Variants in TMCO1 observed in about 807,000 individuals in gnomAD.
TMCO1 encodes the protein calcium load-activated calcium channel.
Under a neutral mutation model 29.3 loss-of-function variants are expected in TMCO1, and 29 were observed. That is an observed-to-expected ratio of 0.99 (90% confidence interval 0.74 to 1.35). The LOEUF (loss-of-function observed/expected upper bound fraction) is 1.35, where lower values mean the gene tolerates loss of function less well. Ranked by LOEUF, TMCO1 falls within the 40% of genes most tolerant of loss-of-function variation. The pLI is 0.00. For synonymous variants in TMCO1, 80 were observed against 77.1 expected (o/e 1.04, Z -0.20); for missense variants, 173 against 225.5 (o/e 0.77, Z 1.49).
intron 2 of TMCO1, among the ~76,000 whole-genome samples, chr1:165,761,215 A>G (rs1023982254): frequency 1.3e-5 from 2 of 152,028 alleles, no homozygotes; most frequent in African/African-American, 2.4e-5. Flanking sequence ...AGACTAAGTA[A>G]CAGATACTGT....
chr1:165,727,980 T>C lies in TMCO1; in HGVS notation c.*43A>G. ...ACAAAACAGTTGCCAGTCTGATGTG[T>C]GTGTGTCTAGAAAGAATGATAGAAA... On this transcript the variant is annotated 3_prime_UTR_variant, in exon 7 of 7. Transcript: ENST00000367881. 6.9e-7 allele frequency: 1 copy of C among 1,446,152 alleles called. No individual in the cohort carries two copies. Among genetic ancestry groups the C allele is most frequent in the Non-Finnish European group, 9.6e-7 (1 of 1,038,414 alleles). The allele number at this position is 1,446,152 out of a possible 1,614,324, so 89.6% of individuals were successfully genotyped here. A position where few individuals can be genotyped will look rare whatever the true frequency, so the allele number is the denominator to read the frequency against.
chr1:165,758,736 C>T (rs760570720), intron 3 of TMCO1, among the ~76,000 whole-genome samples: 2 of 90,036 alleles, frequency 2.2e-5, no homozygotes, highest in Non-Finnish European at 2.9e-5. Context: ...ACACATACAG[C>T]GTAAATGTTC....
chr1:165,749,253 T>G (rs1430844397), intron 5 of TMCO1, among the ~76,000 whole-genome samples: 2 of 151,030 alleles, frequency 1.3e-5, no homozygotes, highest in Non-Finnish European at 1.5e-5. Flanking sequence ...GTTTTATATA[T>G]TACTCATATA....
chr1:165,758,902 GAC>G (rs1390490652), intron 3 of TMCO1, among the ~76,000 whole-genome samples: 1 of 152,144 alleles, frequency 6.6e-6, no homozygotes, highest in Non-Finnish European at 1.5e-5. Context: ...TAGGGATACA[GAC>G]ACAGTTTCTA....
chr1:165,725,147 A>G (rs1037667393), downstream of TMCO1: 3 of 433,956 alleles, frequency 6.9e-6, no homozygotes, highest in African/African-American at 6.2e-5. Flanking sequence ...ACTTAAGCAG[A>G]ATTAATCTAA....
chr1:165,765,397 C>T (rs760932281), intron 2 of TMCO1, among the ~76,000 whole-genome samples: 12 of 152,198 alleles, frequency 7.9e-5, no homozygotes, highest in Non-Finnish European at 7.3e-5. Flanking sequence ...AATTCTCCTG[C>T]CTCAGCCTCC....
intron 5 of TMCO1, among the ~76,000 whole-genome samples, chr1:165,748,202 C>T (rs1373053757): frequency 1.3e-5 from 2 of 151,486 alleles, no homozygotes; most frequent in African/African-American, 4.9e-5. Flanking sequence ...ATAAAAAGTT[C>T]ACTACAGTCC....
chr1:165,726,172 G>T, downstream of TMCO1: 1 of 693,984 alleles, frequency 1.4e-6, no homozygotes, highest in Non-Finnish European at 2.6e-6. Flanking sequence ...ATTATCATTC[G>T]AATTATTATT....
intron 6 of TMCO1, among the ~76,000 whole-genome samples, chr1:165,738,197 A>G (rs57979453): frequency 0.013 from 2,022 of 152,206 alleles, 53 homozygotes; most frequent in African/African-American, 0.047. Flanking sequence ...GGAAACTGAG[A>G]TGGGAGAATT....
chr1:165,754,987 C>G (rs976743424), intron 3 of TMCO1: 16 of 152,148 alleles, frequency 1.1e-4, no homozygotes, highest in African/African-American at 3.6e-4. Context: ...GGGTGAGACT[C>G]TGTCTGAAAA....
At position 165,759,522 on chromosome 1, in the gene TMCO1, T is replaced by C; in HGVS notation, c.208+3A>G. The C allele has an allele frequency of 6.2e-7, 1 of 1,609,702 alleles. No homozygotes were observed. The highest frequency in any genetic ancestry group is 8.5e-7 in the Non-Finnish European group (1 of 1,176,960). On this transcript the variant is annotated splice_donor_region_variant and intron_variant, in intron 3 of 6. Coordinates refer to ENST00000367881, the MANE Select transcript of TMCO1 (RefSeq NM_019026.6). ...TTTCATTTTGACTAATATCTCATCT[T>C]ACCTATTTTCTTTTTCTGTTGTCGA... is the stretch of plus-strand genomic sequence containing the variant.
chr1:165,750,473 G>A (rs985427890), intron 5 of TMCO1, among the ~76,000 whole-genome samples: 9 of 150,152 alleles, frequency 6.0e-5, no homozygotes, highest in Non-Finnish European at 1.0e-4. Context: ...CCCAAGAGGC[G>A]GAGATAGCAG....
intron 6 of TMCO1, 65 bp downstream of exon 6, chr1:165,743,102 T>C (rs1571217711): frequency 1.3e-6 from 2 of 1,577,392 alleles, no homozygotes; most frequent in African/African-American, 1.3e-5. Context: ...ATTATAAAAG[T>C]AAAAGCTAAT....
At chr1:165,743,336 AT>A in intron 5 of TMCO1, 25 bp from the exon 6 acceptor site, 1 of 1,603,878 alleles carries the variant, frequency 6.2e-7, no homozygotes, top group Non-Finnish European at 8.5e-7. Context: ...AAAAAAAAGA[AT>A]TGTTATCTTT....
chr1:165,757,513 T>G (rs998320289), intron 3 of TMCO1, among the ~76,000 whole-genome samples: 5 of 152,250 alleles, frequency 3.3e-5, no homozygotes, highest in African/African-American at 9.6e-5. Flanking sequence ...CTTCCTTTTT[T>G]GCGACAAAGT....
In TMCO1 at chr1:165,746,453, T is replaced by TCTCACACACACA. The variant is rs1553250047; in HGVS notation, c.324-3143_324-3142insTGTGTGTGTGAG. Among the ~76,000 whole-genome samples, 11 of 132,420 alleles carry TCTCACACACACA rather than the reference T, an allele frequency of 8.3e-5. 1 individual carries two copies. The highest frequency in any genetic ancestry group is 2.3e-4 in the East Asian group (1 of 4,340). The allele number at this position is 132,420 out of a possible 152,430, so 86.9% of individuals were successfully genotyped here. ...ACTTCTATAGCTTGGAAGACCTATA[T>TCTCACACACACA]CACACACACACACACACACACACAC... On this transcript the variant is annotated intron_variant, in intron 5 of 6. Coordinates refer to ENST00000367881, the MANE Select transcript of TMCO1 (RefSeq NM_019026.6).
chr1:165,732,275 G>T lies in TMCO1; in HGVS notation c.469-4154C>A, dbSNP rs1156359435. On this transcript the variant is annotated intron_variant, in intron 6 of 6. Coordinates refer to ENST00000367881, the MANE Select transcript of TMCO1 (RefSeq NM_019026.6). ...TGAGATGAGAAAGTTGATGTAGGGAGAGGTTACAAGTCAGAAAGTGAACTG... is the reference window on the plus strand; with the variant it reads ...TGAGATGAGAAAGTTGATGTAGGGATAGGTTACAAGTCAGAAAGTGAACTG... 2.6e-5 allele frequency among the ~76,000 whole-genome samples: 4 copies of T among 151,370 alleles called. No homozygotes were observed. In the East Asian group the frequency reaches 7.8e-4, roughly 30 times the overall value.
At chr1:165,752,807 T>G (rs79914171) in intron 4 of TMCO1, among the ~76,000 whole-genome samples, 1 of 150,330 alleles carries the variant, frequency 6.7e-6, no homozygotes, top group African/African-American at 2.5e-5. Flanking sequence ...AAAAAAAAAA[T>G]AGTACTCCTT....
At chr1:165,751,942 A>T (rs1456214921) in intron 5 of TMCO1, among the ~76,000 whole-genome samples, 160 bp downstream of exon 5, 1 of 152,184 alleles carries the variant, frequency 6.6e-6, no homozygotes, top group Non-Finnish European at 1.5e-5. Context: ...GCAAAACATT[A>T]ACAACTGTGA....
Sources: gnomAD v4.1 joint callset for allele counts (sites outside exome capture counted in the v4.1 genomes callset) on GRCh38, gnomAD v4.1.1 for gene constraint, MANE v1.5 for transcripts, NCBI Gene and HGNC (gene_info 2026-07-23, HGNC 2026-07-21) for gene names.